TBCD: variants seen among roughly 807,000 people sequenced by gnomAD.
TBCD encodes tubulin folding cofactor D.
Under a neutral mutation model 169.3 loss-of-function variants are expected in TBCD, and 105 were observed. That is an observed-to-expected ratio of 0.62 (90% confidence interval 0.53 to 0.73). TBCD has a LOEUF of 0.73. Ranked by LOEUF, TBCD falls within the 30% of genes least tolerant of loss-of-function variation. The pLI is 0.00. For synonymous variants in TBCD, 700 were observed against 643.9 expected (o/e 1.09, Z -1.32); for missense variants, 1,444 against 1,600.1 (o/e 0.90, Z 1.66).
chr17:82,927,838 GT>G lies in TBCD; in HGVS notation c.2610-66del, dbSNP rs1313780205. ...CGAATTCACACAGGCTGCCGGCGTGGTGGGCAGAACCAGGGTTGGAACCCCC... is the reference window on the plus strand; with the variant it reads ...CGAATTCACACAGGCTGCCGGCGTGGGGGCAGAACCAGGGTTGGAACCCCC... On this transcript the variant is annotated intron_variant, in intron 29 of 38. Transcript: ENST00000355528. The G allele has an allele frequency of 4.2e-6, 6 of 1,429,112 alleles. No homozygotes were observed. In the East Asian group the frequency reaches 9.2e-5, roughly 22 times the overall value. The allele number at this position is 1,429,112 out of a possible 1,614,324, so 88.5% of individuals were successfully genotyped here. A position where few individuals can be genotyped will look rare whatever the true frequency, so the allele number is the denominator to read the frequency against.
intron 23 of TBCD, 87 bp downstream of exon 23, chr17:82,911,876 C>T (rs542789049): frequency 2.8e-6 from 4 of 1,417,508 alleles, no homozygotes; most frequent in Non-Finnish European, 3.9e-6. Context: ...CAGGGCGGCC[C>T]ATTAGCCCCC....
At chr17:82,838,333 C>CT (rs2054159158) in intron 13 of TBCD, among the ~76,000 whole-genome samples, 1 of 118,538 alleles carries the variant, frequency 8.4e-6, no homozygotes, top group Non-Finnish European at 1.8e-5. Context: ...AGAAAGAGTT[C>CT]TTAAAAAAAA....
intron 5 of TBCD, 41 bp from the exon 6 acceptor site, chr17:82,772,411 G>T: frequency 6.2e-7 from 1 of 1,611,448 alleles, no homozygotes; most frequent in Non-Finnish European, 8.5e-7. Flanking sequence ...AGGCTGGCGT[G>T]TGCAGGAGTG....
intron 1 of TBCD, among the ~76,000 whole-genome samples, chr17:82,755,267 G>A (rs753030407): frequency 6.6e-6 from 1 of 152,160 alleles, no homozygotes; most frequent in Non-Finnish European, 1.5e-5. Context: ...GTTCCAGTTA[G>A]CTGGTTTCAG....
intron 23 of TBCD, among the ~76,000 whole-genome samples, chr17:82,912,382 G>C (rs552645119): frequency 7.2e-5 from 11 of 151,936 alleles, no homozygotes; most frequent in African/African-American, 2.6e-4. Flanking sequence ...AGCATGTGAG[G>C]AGGAGGGAAG....
intron 16 of TBCD, among the ~76,000 whole-genome samples, chr17:82,891,265 GGGAAA>G (rs1382112351): frequency 6.6e-6 from 1 of 152,218 alleles, no homozygotes; most frequent in African/African-American, 2.4e-5. Flanking sequence ...TTGATTGACA[GGGAAA>G]GGAAAGGCCT....
chr17:82,867,019 A>G (rs1484192011), intron 13 of TBCD, among the ~76,000 whole-genome samples: 2 of 152,332 alleles, frequency 1.3e-5, no homozygotes, highest in Non-Finnish European at 1.5e-5. Context: ...CTGTGTCTGC[A>G]CAGCTGTCTC....
intron 13 of TBCD, chr17:82,859,969 G>C (rs781462506): frequency 1.0e-5 from 9 of 857,284 alleles, no homozygotes; most frequent in Non-Finnish European, 1.3e-5. Flanking sequence ...TCCTGCTCTT[G>C]GGCTTCATGT....
chr17:82,837,107 A>G (rs1244656073), intron 13 of TBCD, among the ~76,000 whole-genome samples: 2 of 152,338 alleles, frequency 1.3e-5, no homozygotes, highest in Admixed American at 1.3e-4. Flanking sequence ...AGGTCACCTG[A>G]TCTGTAAAAC....
rs1283060143 is a variant in TBCD, at chr17:82,901,264, G to A, written c.1730+533G>A. ...TAAACAGCGCGTTAGTGCTGTGACC[G>A]CCGCCCTGAGGAGGTCAGAGGGTCC... On this transcript the variant is annotated intron_variant, in intron 18 of 38. Transcript: ENST00000355528. 1.1e-4 allele frequency among the ~76,000 whole-genome samples: 17 copies of A among 152,356 alleles called. No homozygotes were observed. The South Asian group carries it at 2.3e-3, about 20-fold the overall frequency.
chr17:82,914,691 C>G (rs1395212764), intron 23 of TBCD, among the ~76,000 whole-genome samples: 1 of 152,198 alleles, frequency 6.6e-6, no homozygotes, highest in African/African-American at 2.4e-5. Context: ...GCCGGCCCTC[C>G]TTGTGCAGCT....
rs140039119 is a variant in TBCD at position 82,760,089 on chromosome 17, G to A, written c.235+3874G>A. Among the ~76,000 whole-genome samples the A allele has an allele frequency of 5.8e-3, 884 of 151,704 alleles. 3 individuals are homozygous for A. Among genetic ancestry groups the A allele is most frequent in the Middle Eastern group, 0.01 (3 of 294 alleles). ...GGTTTTCATCATGTTGGCCAGGATA[G>A]TCTCGAACTCCTGACCTCAAGCAGT... is the stretch of plus-strand genomic sequence containing the variant. On this transcript the variant is annotated intron_variant, in intron 2 of 38. Coordinates refer to ENST00000355528, the MANE Select transcript of TBCD (RefSeq NM_005993.5).
At chr17:82,841,261 T>A (rs1477863865) in intron 13 of TBCD, among the ~76,000 whole-genome samples, 1 of 151,988 alleles carries the variant, frequency 6.6e-6, no homozygotes, top group Non-Finnish European at 1.5e-5. Flanking sequence ...GTTTTTGTTA[T>A]TTTTTTCCTT....
intron 20 of TBCD, 50 bp from the exon 21 acceptor site, chr17:82,907,711 G>T (rs763414040): frequency 1.9e-6 from 3 of 1,606,936 alleles, no homozygotes; most frequent in Admixed American, 1.7e-5. Flanking sequence ...TGTACTCGGG[G>T]TTAGGGTCTT....
Position 82,847,357 on chromosome 17 carries a change from A to G in TBCD, c.1319-22867A>G, listed in dbSNP as rs530645793. On this transcript the variant is annotated intron_variant, in intron 13 of 38. Transcript: ENST00000355528. ...AACAGAGCGAGACTCCATGTCAAAGAAAAAAAAAAAAAAAAAAAAAAAGAA... is the reference window on the plus strand; with the variant it reads ...AACAGAGCGAGACTCCATGTCAAAGGAAAAAAAAAAAAAAAAAAAAAAGAA... Among the ~76,000 whole-genome samples the G allele has an allele frequency of 7.0e-3, 299 of 42,730 alleles. 1 individual carries two copies. The highest frequency in any genetic ancestry group is 0.025 in the African/African-American group (283 of 11,372). The allele number at this position is 42,730 out of a possible 152,430, so 28.0% of individuals were successfully genotyped here. A position where few individuals can be genotyped will look rare whatever the true frequency, so the allele number is the denominator to read the frequency against.
intron 28 of TBCD, chr17:82,926,944 G>C: frequency 1.7e-6 from 1 of 577,558 alleles, no homozygotes; most frequent in Non-Finnish European, 3.0e-6. Context: ...AAGTGGGAGG[G>C]ACCAGCCGCA....
intron 30 of TBCD, 36 bp downstream of exon 30, chr17:82,928,024 G>C: frequency 6.3e-7 from 1 of 1,591,060 alleles, no homozygotes; most frequent in Non-Finnish European, 8.6e-7. Context: ...GCATCCTAGA[G>C]GGCAGCCCCG....
At chr17:82,878,492 G>A (rs1338993550) in intron 14 of TBCD, among the ~76,000 whole-genome samples, 1 of 131,198 alleles carries the variant, frequency 7.6e-6, no homozygotes, top group South Asian at 2.4e-4. Flanking sequence ...TCTGTAGGAC[G>A]CCCCTCTCTC....
intron 37 of TBCD, among the ~76,000 whole-genome samples, chr17:82,940,841 G>A (rs547700357): frequency 6.6e-6 from 1 of 152,288 alleles, no homozygotes; most frequent in Non-Finnish European, 1.5e-5. Context: ...GTCCCGAGCG[G>A]GGCGAGGCCT....
Sources: allele counts gnomAD v4.1 joint callset (sites outside exome capture counted in the v4.1 genomes callset), GRCh38; gene constraint gnomAD v4.1.1; transcripts MANE v1.5; gene names NCBI Gene and HGNC (gene_info 2026-07-23, HGNC 2026-07-21).